Variants in IFNLR1 observed in about 807,000 individuals in gnomAD.
The protein encoded by IFNLR1 is CRF2-12.
Under a neutral mutation model 52.5 loss-of-function variants are expected in IFNLR1, and 28 were observed. That is an observed-to-expected ratio of 0.53 (90% CI 0.40 to 0.73). The LOEUF (loss-of-function observed/expected upper bound fraction) is 0.73, where lower values mean the gene tolerates loss of function less well. Among genes scored for constraint, IFNLR1 ranks in the 30% least tolerant of loss-of-function variants. IFNLR1 has a pLI of 0.00. For missense variants in IFNLR1, 623 were observed against 659.1 expected, an observed-to-expected ratio of 0.95 and a Z score of 0.60; for synonymous variants, 276 against 274.9, an observed-to-expected ratio of 1.00 and a Z score of -0.04.
chr1:24,180,901 T>G, intron 1 of IFNLR1, 47 bp from the exon 2 acceptor site: 1 of 1,594,990 alleles, frequency 6.3e-7, no homozygotes, highest in Non-Finnish European at 8.5e-7. Context: ...CTGGCTGGTC[T>G]TGACTCAGGC....
At chr1:24,170,177 A>T (rs954819845) in intron 2 of IFNLR1, among the ~76,000 whole-genome samples, 1 of 152,226 alleles carries the variant, frequency 6.6e-6, no homozygotes, top group African/African-American at 2.4e-5. Context: ...CCTTACCAGA[A>T]CGGAGTCAGG....
At chr1:24,167,917 T>C (rs1321565496) in intron 3 of IFNLR1, among the ~76,000 whole-genome samples, 2 of 151,326 alleles carry the variant, frequency 1.3e-5, no homozygotes, top group Non-Finnish European at 2.9e-5. Flanking sequence ...CAGGATGGTC[T>C]TGATCTCCTG....
chr1:24,175,697 C>T (rs576284622), intron 2 of IFNLR1, among the ~76,000 whole-genome samples: 1 of 152,244 alleles, frequency 6.6e-6, no homozygotes, highest in South Asian at 2.1e-4. Context: ...CTTTGGGAGG[C>T]CAAGGCAGGC....
At chr1:24,159,983 A>G (rs143131767) in intron 4 of IFNLR1, among the ~76,000 whole-genome samples, 1,535 of 152,238 alleles carry the variant, frequency 0.01, 29 homozygotes, top group African/African-American at 0.034. Context: ...CCCAGCCTCA[A>G]GTGATCCTCC....
intron 2 of IFNLR1, 51 bp downstream of exon 2, chr1:24,180,675 AGCCCC>A: frequency 5.2e-6 from 2 of 385,914 alleles, no homozygotes; most frequent in Non-Finnish European, 1.0e-5. Flanking sequence ...AAGCCCCTCC[AGCCCC>A]CACCCACCCC....
intron 6 of IFNLR1, 190 bp downstream of exon 6, chr1:24,158,862 G>T: frequency 1.5e-6 from 1 of 659,296 alleles, no homozygotes; most frequent in Non-Finnish European, 2.7e-6. Context: ...TCCCTCCAGG[G>T]CCTGTTTGCC....
chr1:24,158,133 T>G (rs1644402587), intron 6 of IFNLR1, among the ~76,000 whole-genome samples: 1 of 152,178 alleles, frequency 6.6e-6, no homozygotes, highest in East Asian at 1.9e-4. Flanking sequence ...AGGGAGCCAC[T>G]GGGCACACGC....
At chr1:24,186,636 G>C (rs565799674) in intron 1 of IFNLR1, among the ~76,000 whole-genome samples, 1 of 152,090 alleles carries the variant, frequency 6.6e-6, no homozygotes, top group East Asian at 1.9e-4. Flanking sequence ...TTTTGTACCT[G>C]ACACCTTACT....
At position 24,169,477 on chromosome 1, in the gene IFNLR1, C is replaced by A; in HGVS notation, c.307G>T (p.Val103Phe). The A allele has an allele frequency of 6.2e-7, 1 of 1,614,224 alleles. No homozygotes were observed. Residue 103 changes from valine to phenylalanine, a missense_variant, in exon 3 of 7, where the codon GTT (valine) becomes TTT (phenylalanine). By Grantham distance (50) the Val-to-Phe change is conservative (BLOSUM62 -1). Coordinates refer to ENST00000327535, the MANE Select transcript of IFNLR1 (RefSeq NM_170743.4). ...CAGGGGGACTTGGAGCTGGGAGAAA[C>A]CGTCCGCACGCGTCCCTTGAACTTG... The part of the protein sequence containing the change: ...YNKFKGRVRT[V>F]SPSSKSPWVE...
chr1:24,173,058 G>A (rs1184133016), intron 2 of IFNLR1, among the ~76,000 whole-genome samples: 2 of 150,970 alleles, frequency 1.3e-5, no homozygotes, highest in African/African-American at 4.9e-5. Context: ...GAATTTGTGG[G>A]GTAGAGTATA....
At chr1:24,161,745 A>T in intron 3 of IFNLR1, 61 bp from the exon 4 acceptor site, 1 of 1,427,020 alleles carries the variant, frequency 7.0e-7, no homozygotes. Context: ...TCCATCCCCC[A>T]AGACCAGAGA....
At chr1:24,178,293 A>T (rs1263818237) in intron 2 of IFNLR1, among the ~76,000 whole-genome samples, 1 of 152,072 alleles carries the variant, frequency 6.6e-6, no homozygotes, top group Non-Finnish European at 1.5e-5. Context: ...TAAAAAAAAA[A>T]AGTATGTACA....
intron 3 of IFNLR1, among the ~76,000 whole-genome samples, chr1:24,167,609 T>C (rs1392986925): frequency 6.6e-6 from 1 of 152,078 alleles, no homozygotes; most frequent in African/African-American, 2.4e-5. Flanking sequence ...GGTCTTGAAC[T>C]CCTGATCTCA....
At chr1:24,171,946 G>A (rs1644583887) in intron 2 of IFNLR1, among the ~76,000 whole-genome samples, 2 of 152,090 alleles carry the variant, frequency 1.3e-5, no homozygotes, top group Non-Finnish European at 2.9e-5. Context: ...GCTGGGATGA[G>A]CCACCACTCC....
Position 24,157,258 on chromosome 1 carries a change from T to C in IFNLR1, c.1435A>G (p.Ser479Gly). 6.2e-7 allele frequency: 1 copy of C among 1,614,128 alleles called. No homozygotes were observed. The highest frequency in any genetic ancestry group is 8.5e-7 in the Non-Finnish European group (1 of 1,180,006). ...CTCGCCTCCTCTTCCTCCTCAGGGC[T>C]GCTTTCCCAGCAGAAGGTCAGTGTC... ...LQTLTFCWES[S>G]PEEEEEARES... Residue 479 changes from serine to glycine, a missense_variant, in exon 7 of 7, where the codon AGC becomes GGC. Physicochemically the swap from Ser to Gly is moderately conservative, Grantham distance 56. Coordinates refer to ENST00000327535, the MANE Select transcript of IFNLR1 (RefSeq NM_170743.4). The surrounding 1 kb of genome is among the most constrained non-coding windows in gnomAD (Gnocchi z 5.1).
chr1:24,157,344 G>C lies in IFNLR1; in HGVS notation c.1349C>G (p.Thr450Ser). ...LPEDNLSSWATWGTLPPEPNL... is the reference protein window; with the variant it reads ...LPEDNLSSWASWGTLPPEPNL... ...CGGCTCCGGTGGTAAGGTGCCCCAG[G>C]TGGCCCAGGAGGAGAGGTTATCTTC... The change falls in exon 7 of 7, where the codon ACC (threonine) becomes AGC (serine). Residue 450 changes from threonine to serine, a missense_variant. Coordinates refer to ENST00000327535, the MANE Select transcript of IFNLR1 (RefSeq NM_170743.4). The surrounding 1 kb of genome is among the most constrained non-coding windows in gnomAD (Gnocchi z 5.1). The C allele has an allele frequency of 2.5e-6, 4 of 1,614,170 alleles. No homozygotes were observed. Among genetic ancestry groups the C allele is most frequent in the Non-Finnish European group, 3.4e-6 (4 of 1,180,020 alleles).
intron 4 of IFNLR1, 104 bp from the exon 5 acceptor site, chr1:24,159,737 G>GTTTTTTTTTTTTT (rs79165037): frequency 8.7e-6 from 4 of 459,248 alleles, no homozygotes; most frequent in African/African-American, 6.5e-5. Context: ...TTTTTTTTTT[G>GTTTTTTTTTTTTT]TTTTTTTTTT....
chr1:24,182,389 A>G (rs1328273721), intron 1 of IFNLR1, among the ~76,000 whole-genome samples: 1 of 152,278 alleles, frequency 6.6e-6, no homozygotes, highest in South Asian at 2.1e-4. Context: ...GCATGTTACT[A>G]TGGAAGTTTA....
chr1:24,158,307 T>G (rs150588118), intron 6 of IFNLR1, among the ~76,000 whole-genome samples: 2 of 151,900 alleles, frequency 1.3e-5, no homozygotes, highest in Non-Finnish European at 2.9e-5. Flanking sequence ...GCGCTGGGAG[T>G]TGCAAATCCA....
Sources: gnomAD v4.1 joint callset for allele counts (sites outside exome capture counted in the v4.1 genomes callset) on GRCh38, gnomAD v4.1.1 for gene constraint, Gnocchi (gnomAD v3.1) non-coding constraint, MANE v1.5 for transcripts, NCBI Gene and HGNC (gene_info 2026-07-23, HGNC 2026-07-21) for gene names.